The following ADAMTS10 variants were observed in gnomAD, a reference collection of about 807,000 sequenced individuals.
The protein encoded by ADAMTS10 is ADAM metallopeptidase with thrombospondin type 1 motif 10.
In ADAMTS10, 48 loss-of-function variants were observed where a neutral mutation model predicts 135.9. The observed-to-expected ratio is 0.35, with a 90% CI of 0.28 to 0.45. The LOEUF is 0.45. Among genes scored for constraint, ADAMTS10 ranks in the 20% least tolerant of loss-of-function variants. The pLI is 1.00. For missense variants in ADAMTS10, 1,131 were observed against 1,565.2 expected (o/e 0.72, Z 4.68); for synonymous variants, 621 against 647.5 (o/e 0.96, Z 0.62).
intron 25 of ADAMTS10, among the ~76,000 whole-genome samples, chr19:8,583,881 G>A (rs1234500653): frequency 6.9e-6 from 1 of 145,660 alleles, no homozygotes; most frequent in Admixed American, 6.9e-5. Flanking sequence ...AAATAAGGCT[G>A]GGCATGGTGG....
intron 6 of ADAMTS10, among the ~76,000 whole-genome samples, chr19:8,598,845 G>A (rs994173390): frequency 2.0e-5 from 3 of 152,052 alleles, no homozygotes; most frequent in African/African-American, 7.2e-5. Context: ...AAAGTGTTGG[G>A]ATTACAGGCG....
chr19:8,589,598 G>T lies in ADAMTS10; in HGVS notation c.1901-13C>A, dbSNP rs782114199. ...GCCTTCACGCCCCCTGGGGGGCACG[G>T]CCCCGTCACACCACGGGCCAGGCCA... is the stretch of plus-strand genomic sequence containing the variant. On this transcript the variant is annotated splice_polypyrimidine_tract_variant and intron_variant, in intron 16 of 25. Transcript: ENST00000597188. The T allele has an allele frequency of 2.5e-6, 4 of 1,613,102 alleles. No individual in the cohort carries two copies. The highest frequency in any genetic ancestry group is 1.1e-5 in the South Asian group (1 of 91,064).
At chr19:8,585,700 G>A in intron 22 of ADAMTS10, 40 bp from the exon 23 acceptor site, 1 of 1,596,222 alleles carries the variant, frequency 6.3e-7, no homozygotes, top group Non-Finnish European at 8.6e-7. Context: ...AAGCAGGGCA[G>A]GGGGTCCCAA....
intron 25 of ADAMTS10, 43 bp downstream of exon 25, chr19:8,584,852 G>T: frequency 1.9e-6 from 3 of 1,546,854 alleles, no homozygotes; most frequent in Non-Finnish European, 2.6e-6. Flanking sequence ...GGCTGCCTCT[G>T]GCCAGGACCC....
At chr19:8,593,218 CTG>C (rs1247787279) in intron 12 of ADAMTS10, 4 of 347,614 alleles carry the variant, frequency 1.2e-5, no homozygotes, top group African/African-American at 4.2e-5. Flanking sequence ...AATTCAGAGT[CTG>C]TGCTCTAACG....
intron 5 of ADAMTS10, among the ~76,000 whole-genome samples, chr19:8,602,396 G>A (rs1196390136): frequency 2.6e-5 from 4 of 152,106 alleles, no homozygotes; most frequent in Non-Finnish European, 1.5e-5. Context: ...TCAACTCACC[G>A]CAACCTCTAC....
Position 8,591,773 on chromosome 19 carries a change from C to G in ADAMTS10, c.1797+27G>C, listed in dbSNP as rs547232959. On this transcript the variant is annotated intron_variant, in intron 15 of 25. Coordinates refer to ENST00000597188, the MANE Select transcript of ADAMTS10 (RefSeq NM_030957.4). ...CTGTTTTTAATGCTTCCTCCCCCCA[C>G]CCCTCAAGGGGTTTGGGGGAACTCA... The G allele has an allele frequency of 9.7e-5, 157 of 1,610,884 alleles. No homozygotes were observed. The African/African-American group carries it at 2.1e-3, about 21-fold the overall frequency.
intron 15 of ADAMTS10, 35 bp downstream of exon 15, chr19:8,591,765 T>TC (rs781964542): frequency 1.2e-6 from 2 of 1,611,818 alleles, no homozygotes; most frequent in African/African-American, 1.3e-5. Context: ...TAATGCTTCC[T>TC]CCCCCCACCC....
At chr19:8,600,567 T>C (rs191391286) in intron 6 of ADAMTS10, among the ~76,000 whole-genome samples, 4,158 of 150,280 alleles carry the variant, frequency 0.028, 61 homozygotes, top group Non-Finnish European at 0.034. Flanking sequence ...GGCGTGATCT[T>C]GGCTCACTGC....
chr19:8,605,141 GACGTGCCCTGCCAGTAGACGGGAGCT>G lies in ADAMTS10; in HGVS notation c.280_305del (p.Ser94LeufsTer57), dbSNP rs2146102535. On this transcript the variant is annotated frameshift_variant, in exon 4 of 26. Transcript: ENST00000597188. LOFTEE classifies it high-confidence loss of function. This position sits in a 1 kb window ranked among gnomAD's most constrained non-coding sequence, Gnocchi z 7.7. ...CCTCCCGTGTCCAGTACTCCACGGA[GACGTGCCCTGCCAGTAGACGGGAGCT>G]GCGGGTCAGGTTCAGCAGGAAGTGG... The G allele has an allele frequency of 1.2e-6, 2 of 1,613,880 alleles. No homozygotes were observed. Among genetic ancestry groups the G allele is most frequent in the Non-Finnish European group, 1.7e-6 (2 of 1,179,928 alleles).
At chr19:8,581,865 A>C (rs2042356541) in intron 25 of ADAMTS10, among the ~76,000 whole-genome samples, 1 of 151,078 alleles carries the variant, frequency 6.6e-6, no homozygotes, top group African/African-American at 2.4e-5. Context: ...AAAAACAAAA[A>C]AAAAAAAAAG....
chr19:8,585,355 G>A (rs1475543277), intron 23 of ADAMTS10, 47 bp from the exon 24 acceptor site: 4 of 1,533,792 alleles, frequency 2.6e-6, no homozygotes, highest in Non-Finnish European at 3.5e-6. Flanking sequence ...GCCCCAGTGC[G>A]AAGTGAGGAG....
At chr19:8,599,305 G>A (rs1394859179) in intron 6 of ADAMTS10, among the ~76,000 whole-genome samples, 1 of 146,428 alleles carries the variant, frequency 6.8e-6, no homozygotes, top group Non-Finnish European at 1.5e-5. Context: ...TAACCTCAAC[G>A]AGTACCTGTG....
chr19:8,584,531 C>T lies in ADAMTS10; in HGVS notation c.3202+364G>A, dbSNP rs188555820. On this transcript the variant is annotated intron_variant, in intron 25 of 25. Coordinates refer to ENST00000597188, the MANE Select transcript of ADAMTS10 (RefSeq NM_030957.4). ...AAAAACCCTACAATGTGCTGGACAG[C>T]TCCCCACGGCAATCATCTAGCTCAA... 2.0e-3 allele frequency among the ~76,000 whole-genome samples: 308 copies of T among 152,210 alleles called. 1 individual carries two copies. Among genetic ancestry groups the T allele is most frequent in the Non-Finnish European group, 3.6e-3 (247 of 68,028 alleles).
In ADAMTS10 at chr19:8,605,311, G is replaced by T; in HGVS notation, c.136C>A (p.Arg46Ser). Reference protein sequence around the residue: ...LESYEIAFPTRVDHNGALLAF... With the variant: ...LESYEIAFPTSVDHNGALLAF... ...AGCAGTGCCCCGTTGTGGTCCACGC[G>T]GGTGGGGAAGGCGATCTCATAGCTC... The change falls in exon 4 of 26, where the codon CGC (arginine) becomes AGC (serine). Residue 46 changes from arginine to serine, a missense_variant. Around this residue, in one of 3 missense-constraint regions of ADAMTS10, gnomAD observed 306 missense variants for 344.4 expected, o/e 0.89. Coordinates refer to ENST00000597188, the MANE Select transcript of ADAMTS10 (RefSeq NM_030957.4). This position sits in a 1 kb window ranked among gnomAD's most constrained non-coding sequence, Gnocchi z 7.7. 6.2e-7 allele frequency: 1 copy of T among 1,610,714 alleles called. No homozygotes were observed. The highest frequency in any genetic ancestry group is 2.2e-5 in the East Asian group (1 of 44,740).
At chr19:8,591,913 G>A (rs1555739023) in intron 14 of ADAMTS10, 45 bp downstream of exon 14, 2 of 1,611,472 alleles carry the variant, frequency 1.2e-6, no homozygotes, top group East Asian at 4.5e-5. Context: ...GGCGATGGGG[G>A]CAGGGGTCGC....
At chr19:8,599,274 G>A (rs2042637697) in intron 6 of ADAMTS10, among the ~76,000 whole-genome samples, 1 of 152,106 alleles carries the variant, frequency 6.6e-6, no homozygotes, top group South Asian at 2.1e-4. Flanking sequence ...GAATACGGAT[G>A]TGTGCCTGTG....
At chr19:8,606,986 G>A (rs1442074679) in intron 2 of ADAMTS10, among the ~76,000 whole-genome samples, 5 of 152,148 alleles carry the variant, frequency 3.3e-5, no homozygotes, top group African/African-American at 1.2e-4. Context: ...AGGCGAAGGT[G>A]CACCAGGAGG....
At chr19:8,609,014 G>C (rs1336568045) in intron 1 of ADAMTS10, among the ~76,000 whole-genome samples, 1 of 151,310 alleles carries the variant, frequency 6.6e-6, no homozygotes, top group Non-Finnish European at 1.5e-5. Context: ...GTGGTGGGGG[G>C]ACATGAACAA....
Sources: allele counts gnomAD v4.1 joint callset (sites outside exome capture counted in the v4.1 genomes callset), GRCh38; gene constraint gnomAD v4.1.1; regional missense constraint gnomAD v4.1.1; non-coding constraint Gnocchi (gnomAD v3.1); transcripts MANE v1.5; gene names NCBI Gene and HGNC (gene_info 2026-07-23, HGNC 2026-07-21).